SLC25A46: variants seen among roughly 807,000 people sequenced by gnomAD.
The protein encoded by SLC25A46 is solute carrier family 25 member 46, also known as mitochondrial outer membrane protein SLC25A46.
In SLC25A46, 39 loss-of-function variants were observed where a neutral mutation model predicts 44.6. The observed-to-expected ratio is 0.87, with a 90% confidence interval of 0.68 to 1.14. The LOEUF is 1.14. Among genes scored for constraint, SLC25A46 ranks in the 50% most tolerant of loss-of-function variants. The pLI, the probability that SLC25A46 is intolerant of heterozygous loss-of-function variation, is 0.00. For missense variants in SLC25A46, 547 were observed against 522.7 expected (o/e 1.05, Z -0.45); for synonymous variants, 202 against 185.8 (o/e 1.09, Z -0.71).
At chr5:110,753,453 GT>G (rs1800023370) in intron 5 of SLC25A46, 1 of 151,968 alleles carries the variant, frequency 6.6e-6, no homozygotes, top group Admixed American at 6.6e-5. Context: ...AAACTAGACT[GT>G]TTTGAGAAAA....
At position 110,761,498 on chromosome 5, in the gene SLC25A46, C is replaced by G. The variant is rs775460939; in HGVS notation, c.973C>G (p.Leu325Val). ...ACTTATTGCTAACTTTGCTGCCAGT[C>G]TTTGTTCTGACGTTATACTTTACCC... ...PELIANFAAS[L>V]CSDVILYPLE... The change falls in exon 8 of 8, where the codon CTT becomes GTT. Residue 325 changes from leucine to valine, a missense_variant. Coordinates refer to ENST00000355943, the MANE Select transcript of SLC25A46 (RefSeq NM_138773.4). This position sits in a 1 kb window ranked among gnomAD's most constrained non-coding sequence, Gnocchi z 5.3. 6 of 1,613,828 alleles carry G rather than the reference C, an allele frequency of 3.7e-6. No individual in the cohort carries two copies. The South Asian group carries it at 6.6e-5, about 18-fold the overall frequency.
rs1187562801 is a variant in SLC25A46, at chr5:110,762,076, A to T, written c.*294A>T. The T allele has an allele frequency of 7.7e-6, 2 of 258,214 alleles. No individual in the cohort carries two copies. Among genetic ancestry groups the T allele is most frequent in the African/African-American group, 4.5e-5 (2 of 44,022 alleles). The allele number at this position is 258,214 out of a possible 1,614,324, so 16.0% of individuals were successfully genotyped here. A position where few individuals can be genotyped will look rare whatever the true frequency, so the allele number is the denominator to read the frequency against. ...AGGCAGAAGCAAAATTTTATTATAAAATCTAAAACAAAACTTTATAGAGTT... is the reference window on the plus strand; with the variant it reads ...AGGCAGAAGCAAAATTTTATTATAATATCTAAAACAAAACTTTATAGAGTT... On this transcript the variant is annotated 3_prime_UTR_variant, in exon 8 of 8. Coordinates refer to ENST00000355943, the MANE Select transcript of SLC25A46 (RefSeq NM_138773.4).
chr5:110,755,511 C>G lies in SLC25A46; in HGVS notation c.610C>G (p.Leu204Val), dbSNP rs939774456. ...WSPKQIGEHL[L>V]LKSLTYVVAM... Reference sequence around the variant, plus strand: ...TCCTAAACAAATAGGAGAACACCTTCTACTGAAATCGTAAGTATCAAAAAA... The same window carrying G: ...TCCTAAACAAATAGGAGAACACCTTGTACTGAAATCGTAAGTATCAAAAAA... Residue 204 changes from leucine (L) to valine (V), a missense_variant, in exon 6 of 8, where the codon CTA becomes GTA. Coordinates refer to ENST00000355943, the MANE Select transcript of SLC25A46 (RefSeq NM_138773.4). The G allele has an allele frequency of 5.7e-6, 9 of 1,573,828 alleles. No homozygotes were observed. The highest frequency in any genetic ancestry group is 7.8e-6 in the Non-Finnish European group (9 of 1,160,568).
At position 110,761,142 on chromosome 5, in the gene SLC25A46, C is replaced by T; in HGVS notation, c.679-62C>T. 1 of 1,301,722 alleles carries T rather than the reference C, an allele frequency of 7.7e-7. No individual in the cohort carries two copies. Among genetic ancestry groups the T allele is most frequent in the Non-Finnish European group, 1.1e-6 (1 of 933,478 alleles). The allele number at this position is 1,301,722 out of a possible 1,614,324, so 80.6% of individuals were successfully genotyped here. ...GATTTAAAAGGAACCTAAAAAGAGT[C>T]CTTTTTCTGTGGCAAAATAAGCAAA... On this transcript the variant is annotated intron_variant, in intron 7 of 7. Transcript: ENST00000355943. This position sits in a 1 kb window ranked among gnomAD's most constrained non-coding sequence, Gnocchi z 5.3.
At chr5:110,745,080 G>A (rs1360504452) in intron 3 of SLC25A46, among the ~76,000 whole-genome samples, 1 of 152,176 alleles carries the variant, frequency 6.6e-6, no homozygotes, top group Non-Finnish European at 1.5e-5. Context: ...TGAGCTGGGA[G>A]TTTTACCTAC....
At chr5:110,748,055 G>T (rs1233472305) in intron 4 of SLC25A46, 108 bp from the exon 5 acceptor site, 2 of 677,168 alleles carry the variant, frequency 3.0e-6, no homozygotes, top group Non-Finnish European at 5.0e-6. Context: ...ATTTCTATTA[G>T]AATAATGTTT....
At chr5:110,741,303 C>T (rs1394383491) in intron 1 of SLC25A46, among the ~76,000 whole-genome samples, 1 of 152,200 alleles carries the variant, frequency 6.6e-6, no homozygotes, top group African/African-American at 2.4e-5. Context: ...TTTCCAGTAA[C>T]ATAACAGACA....
intron 1 of SLC25A46, among the ~76,000 whole-genome samples, chr5:110,740,062 A>C (rs1029843722): frequency 1.3e-5 from 2 of 152,212 alleles, no homozygotes; most frequent in African/African-American, 4.8e-5. Context: ...TAAAAACTAC[A>C]TATAAAAGTT....
intron 5 of SLC25A46, chr5:110,754,680 G>C (rs1479459010): frequency 6.6e-6 from 1 of 151,502 alleles, no homozygotes; most frequent in Non-Finnish European, 1.5e-5. Flanking sequence ...TGATCTTTTT[G>C]ACCCTGATTT....
At position 110,746,361 on chromosome 5, in the gene SLC25A46, T is replaced by C. The variant is rs1799819841; in HGVS notation, c.462+15T>C. 2 of 1,537,064 alleles carry C rather than the reference T, an allele frequency of 1.3e-6. No individual in the cohort carries two copies. Among genetic ancestry groups the C allele is most frequent in the Non-Finnish European group, 8.8e-7 (1 of 1,133,162 alleles). On this transcript the variant is annotated intron_variant, in intron 4 of 7. Transcript: ENST00000355943. ...ACAAAACTCAGGTGAGAATTTTGTC[T>C]GGATTCTATTAAAGGTTTATATAAG...
At chr5:110,741,318 A>G (rs1419243970) in intron 1 of SLC25A46, among the ~76,000 whole-genome samples, 1 of 152,232 alleles carries the variant, frequency 6.6e-6, no homozygotes, top group Non-Finnish European at 1.5e-5. Context: ...CAGACATACC[A>G]TCTGTAGTAG....
intron 7 of SLC25A46, among the ~76,000 whole-genome samples, chr5:110,758,815 CTTGTACTAGTCTCCACATT>C (rs896805990): frequency 4.6e-5 from 7 of 151,848 alleles, no homozygotes; most frequent in Admixed American, 4.6e-4. Flanking sequence ...GAAAGAAATC[CTTGTACTAGTCTCCACATT>C]TTAAAAGTCA....
Position 110,739,164 on chromosome 5 carries a change from GGGTGGTGCCCGGGACGAGCAGGGCTTT to G in SLC25A46, c.48_74del (p.Arg19_Ala27del). 1 of 1,550,304 alleles carries G rather than the reference GGGTGGTGCCCGGGACGAGCAGGGCTTT, an allele frequency of 6.5e-7. No homozygotes were observed. ...ACGGATTTGATGGCTTGGGCTACCG[GGGTGGTGCCCGGGACGAGCAGGGCTTT>G]GGCGGCGCCTTCCCTGCAAGGTCCT... On this transcript the variant is annotated inframe_deletion, in exon 1 of 8. Coordinates refer to ENST00000355943, the MANE Select transcript of SLC25A46 (RefSeq NM_138773.4).
Position 110,742,053 on chromosome 5 carries a change from T to C in SLC25A46, c.290T>C (p.Leu97Pro), listed in dbSNP as rs1799705252. The C allele has an allele frequency of 6.4e-7, 1 of 1,572,690 alleles. No individual in the cohort carries two copies. The highest frequency in any genetic ancestry group is 8.7e-7 in the Non-Finnish European group (1 of 1,155,842). ...GSVQGQSSEQ[L>P]NRFAGFGIGL... ...CTATTTTTTTTTACTTTAGAACAGC[T>C]GAATAGATTTGCTGGATTTGGTATT... Residue 97 changes from leucine to proline, a missense_variant, in exon 2 of 8, where the codon CTG becomes CCG. Physicochemically the swap from Leu to Pro is moderately conservative, Grantham distance 98. Coordinates refer to ENST00000355943, the MANE Select transcript of SLC25A46 (RefSeq NM_138773.4).
rs1800267647 is a variant in SLC25A46, at chr5:110,762,048, C to A, written c.*266C>A. The A allele has an allele frequency of 3.4e-6, 1 of 292,050 alleles. No individual in the cohort carries two copies. Among genetic ancestry groups the A allele is most frequent in the Non-Finnish European group, 6.4e-6 (1 of 156,718 alleles). The allele number at this position is 292,050 out of a possible 1,614,324, so 18.1% of individuals were successfully genotyped here. On this transcript the variant is annotated 3_prime_UTR_variant, in exon 8 of 8. Coordinates refer to ENST00000355943, the MANE Select transcript of SLC25A46 (RefSeq NM_138773.4). ...GCACTCATGCTGAAGTAAACATGAT[C>A]GTAGGCAGAAGCAAAATTTTATTAT... is the stretch of plus-strand genomic sequence containing the variant.
chr5:110,763,413 C>T lies in SLC25A46; in HGVS notation c.*1631C>T, dbSNP rs1001710183. On this transcript the variant is annotated 3_prime_UTR_variant, in exon 8 of 8. Transcript: ENST00000355943. ...GTGTGTGTAGTTACTGAAACACCTA[C>T]ATTTTCCATTTTTAAATTCCACCAA... is the stretch of plus-strand genomic sequence containing the variant. 1.3e-5 allele frequency: 2 copies of T among 151,718 alleles called. No homozygotes were observed. Among genetic ancestry groups the T allele is most frequent in the Non-Finnish European group, 3.0e-5 (2 of 67,794 alleles). The allele number at this position is 151,718 out of a possible 1,614,324, so 9.4% of individuals were successfully genotyped here.
intron 5 of SLC25A46, chr5:110,753,730 T>G (rs1047866615): frequency 3.3e-5 from 5 of 152,074 alleles, no homozygotes; most frequent in Admixed American, 6.6e-5. Flanking sequence ...TAAGTCTCCT[T>G]TTATCTTAAT....
chr5:110,761,663 G>A lies in SLC25A46; in HGVS notation c.1138G>A (p.Glu380Lys). Residue 380 changes from glutamate (E) to lysine (K), a missense_variant, in exon 8 of 8, where the codon GAA (glutamate) becomes AAA (lysine). Transcript: ENST00000355943. The surrounding 1 kb of genome is among the most constrained non-coding windows in gnomAD (Gnocchi z 5.3). Reference protein sequence around the residue: ...RDCINTIRQEEGVFGFYKGFG... With the variant: ...RDCINTIRQEKGVFGFYKGFG... ...CTGTATCAATACCATAAGGCAGGAGGAAGGAGTGTTTGGTTTTTATAAAGG... is the reference window on the plus strand; with the variant it reads ...CTGTATCAATACCATAAGGCAGGAGAAAGGAGTGTTTGGTTTTTATAAAGG... 1 of 1,613,604 alleles carries A rather than the reference G, an allele frequency of 6.2e-7. No homozygotes were observed. Among genetic ancestry groups the A allele is most frequent in the Non-Finnish European group, 8.5e-7 (1 of 1,179,720 alleles).
rs760016782 is a variant in SLC25A46, at chr5:110,756,769, T to C, written c.678+10T>C. 6.6e-7 allele frequency: 1 copy of C among 1,511,614 alleles called. No individual in the cohort carries two copies. Among genetic ancestry groups the C allele is most frequent in the Admixed American group, 2.4e-5 (1 of 41,906 alleles). 93.6% of individuals were successfully genotyped at this position (1,511,614 alleles called of 1,614,324 possible). A position where few individuals can be genotyped will look rare whatever the true frequency, so the allele number is the denominator to read the frequency against. ...GATTGAAACAGTGCAGGTGAGCTTT[T>C]TTTTACTGTCATTTTTTTTTTATTT... On this transcript the variant is annotated intron_variant, in intron 7 of 7. Transcript: ENST00000355943.
Sources: allele counts gnomAD v4.1 joint callset (sites outside exome capture counted in the v4.1 genomes callset), GRCh38; gene constraint gnomAD v4.1.1; non-coding constraint Gnocchi (gnomAD v3.1); transcripts MANE v1.5; gene names NCBI Gene and HGNC (gene_info 2026-07-23, HGNC 2026-07-21).